The following BLM variants were observed in gnomAD, a reference collection of about 807,000 sequenced individuals.
BLM encodes the protein BLM RecQ like helicase.
In BLM, 95 loss-of-function variants were observed where a neutral mutation model predicts 135.3. The observed-to-expected ratio is 0.70, with a 90% CI of 0.59 to 0.83. The LOEUF (loss-of-function observed/expected upper bound fraction) is 0.83, where lower values mean the gene tolerates loss of function less well. Among genes scored for constraint, BLM ranks in the 40% least tolerant of loss-of-function variants. BLM has a pLI of 0.00. For synonymous variants in BLM, 520 were observed against 589.2 expected (o/e 0.88, Z 1.70); for missense variants, 1,518 against 1,663.9 (o/e 0.91, Z 1.53).
intron 12 of BLM, among the ~76,000 whole-genome samples, chr15:90,781,767 G>C (rs1419947629): frequency 6.6e-6 from 1 of 152,152 alleles, no homozygotes; most frequent in Non-Finnish European, 1.5e-5. Context: ...GTGGCCCGTG[G>C]GCTGCGGGTT....
chr15:90,777,686 A>G (rs1221217278), intron 12 of BLM, among the ~76,000 whole-genome samples: 1 of 152,252 alleles, frequency 6.6e-6, no homozygotes, highest in African/African-American at 2.4e-5. Flanking sequence ...TTAAAATGTA[A>G]TTCACACACT....
intron 14 of BLM, among the ~76,000 whole-genome samples, chr15:90,789,467 G>A (rs1254741718): frequency 2.0e-5 from 3 of 151,984 alleles, no homozygotes; most frequent in East Asian, 1.9e-4. Flanking sequence ...CGGACCTGTC[G>A]GCTGACACAT....
At chr15:90,791,352 G>T (rs956824853) in intron 15 of BLM, among the ~76,000 whole-genome samples, 1 of 151,788 alleles carries the variant, frequency 6.6e-6, no homozygotes, top group Non-Finnish European at 1.5e-5. Flanking sequence ...TATTTGGTAT[G>T]TACCTTTTCC....
intron 17 of BLM, among the ~76,000 whole-genome samples, chr15:90,800,823 T>C (rs1897148323): frequency 6.6e-6 from 1 of 151,908 alleles, no homozygotes; most frequent in Non-Finnish European, 1.5e-5. Context: ...AGGGAAAAGA[T>C]TATACAAGAG....
chr15:90,785,323 A>G (rs1313545065), intron 14 of BLM, among the ~76,000 whole-genome samples: 1 of 152,092 alleles, frequency 6.6e-6, no homozygotes, highest in Admixed American at 6.6e-5. Flanking sequence ...ACAAGTTAGT[A>G]CTTTTTAGTT....
At chr15:90,756,362 C>G (rs903595357) in intron 5 of BLM, among the ~76,000 whole-genome samples, 1 of 151,968 alleles carries the variant, frequency 6.6e-6, no homozygotes, top group African/African-American at 2.4e-5. Context: ...CTCGGCCCCC[C>G]AAAGTGCTGG....
At chr15:90,810,136 T>C (rs1245097324) in intron 20 of BLM, among the ~76,000 whole-genome samples, 1 of 145,602 alleles carries the variant, frequency 6.9e-6, no homozygotes, top group Admixed American at 6.8e-5. Context: ...CTTGGCTCAC[T>C]ATGCCTCCCA....
At chr15:90,782,453 A>G (rs1896639862) in intron 12 of BLM, among the ~76,000 whole-genome samples, 1 of 152,182 alleles carries the variant, frequency 6.6e-6, no homozygotes, top group Admixed American at 6.5e-5. Flanking sequence ...ATGACAGAAT[A>G]CTGTAGACTG....
chr15:90,760,744 C>T lies in BLM; in HGVS notation c.1371C>T (p.His457=). ...GNSMKELNFS[H]LPSNSVSPGD... is the part of the protein sequence containing the mutation. ...CTATGAAGGAGTTAAATTTTTCACA[C>T]CTTCCCTCAAATTCTGTTTCTCCTG... Residue 457 remains histidine (H), a synonymous_variant, in exon 7 of 22, where the codon CAC becomes CAT. Transcript: ENST00000355112. 2.5e-6 allele frequency: 4 copies of T among 1,614,058 alleles called. No homozygotes were observed. The highest frequency in any genetic ancestry group is 3.4e-6 in the Non-Finnish European group (4 of 1,180,010).
In BLM at chr15:90,796,641, A is replaced by C. The variant is rs141848176; in HGVS notation, c.3211-1549A>C. ...GAGGAATGATAGGCTAGGGAAGTATAAAGATAATGATTGCCTACAGCATTA... is the reference window on the plus strand; with the variant it reads ...GAGGAATGATAGGCTAGGGAAGTATCAAGATAATGATTGCCTACAGCATTA... On this transcript the variant is annotated intron_variant, in intron 16 of 21. Transcript: ENST00000355112. 1.2e-4 allele frequency among the ~76,000 whole-genome samples: 18 copies of C among 152,324 alleles called. No individual in the cohort carries two copies. In the East Asian group the frequency reaches 3.3e-3, roughly 28 times the overall value.
At chr15:90,787,806 C>T (rs1031547844) in intron 14 of BLM, among the ~76,000 whole-genome samples, 1 of 151,910 alleles carries the variant, frequency 6.6e-6, no homozygotes, top group Non-Finnish European at 1.5e-5. Context: ...AAAAATTAGC[C>T]GGACGTGGTG....
At chr15:90,766,116 G>A (rs1896119750) in intron 9 of BLM, among the ~76,000 whole-genome samples, 2 of 152,114 alleles carry the variant, frequency 1.3e-5, no homozygotes, top group Non-Finnish European at 2.9e-5. Flanking sequence ...CAATCACATT[G>A]TGATTAAAAA....
At position 90,790,642 on chromosome 15, in the gene BLM, A is replaced by T. The variant is rs374616797; in HGVS notation, c.2824-7A>T. ...ATGAATCTAATAAGCTTTTGCTTTT[A>T]TATCAGGTTATCTGTGCTACAATTG... On this transcript the variant is annotated splice_polypyrimidine_tract_variant and splice_region_variant and intron_variant, in intron 14 of 21. Transcript: ENST00000355112. 2 of 1,613,686 alleles carry T rather than the reference A, an allele frequency of 1.2e-6. No homozygotes were observed. The highest frequency in any genetic ancestry group is 2.2e-5 in the East Asian group (1 of 44,892).
At chr15:90,722,374 G>A (rs1459765677) in intron 1 of BLM, among the ~76,000 whole-genome samples, 1 of 152,116 alleles carries the variant, frequency 6.6e-6, no homozygotes, top group Non-Finnish European at 1.5e-5. Context: ...CTCCCAAAGT[G>A]CTGGGATTAC....
At chr15:90,718,555 T>A (rs1320704065) in intron 1 of BLM, among the ~76,000 whole-genome samples, 1 of 152,208 alleles carries the variant, frequency 6.6e-6, no homozygotes, top group East Asian at 1.9e-4. Flanking sequence ...AAAAGTATTC[T>A]GTTTGGGGAA....
Position 90,732,590 on chromosome 15 carries a change from TAA to T in BLM, c.-4-14786_-4-14785del, listed in dbSNP as rs77350149. Among the ~76,000 whole-genome samples the T allele has an allele frequency of 5.8e-5, 8 of 136,792 alleles. 1 individual carries two copies. In the East Asian group the frequency reaches 8.3e-4, roughly 14 times the overall value. The allele number at this position is 136,792 out of a possible 152,430, so 89.7% of individuals were successfully genotyped here. On this transcript the variant is annotated intron_variant, in intron 1 of 21. Coordinates refer to ENST00000355112, the MANE Select transcript of BLM (RefSeq NM_000057.4). ...ATGAAAACACAGCATATCAGATTCTTAAAAAAAAAAAAAAGGTAAGGCACTAG... is the reference window on the plus strand; with the variant it reads ...ATGAAAACACAGCATATCAGATTCTTAAAAAAAAAAAAGGTAAGGCACTAG...
intron 7 of BLM, chr15:90,762,552 T>C (rs1043436152): frequency 4.4e-5 from 9 of 206,658 alleles, no homozygotes; most frequent in South Asian, 1.5e-4. Flanking sequence ...TTTAAGATCA[T>C]AGGACTAGGA....
intron 1 of BLM, among the ~76,000 whole-genome samples, chr15:90,717,821 CTT>C (rs1596190525): frequency 6.6e-6 from 1 of 152,210 alleles, no homozygotes; most frequent in African/African-American, 2.4e-5. Flanking sequence ...AACGAAAACA[CTT>C]TGTACTTTTT....
intron 1 of BLM, among the ~76,000 whole-genome samples, chr15:90,727,820 T>C (rs1020548528): frequency 2.0e-5 from 3 of 151,878 alleles, no homozygotes; most frequent in Non-Finnish European, 2.9e-5. Flanking sequence ...ATGTTAGCTG[T>C]GAGTACAACT....
Sources: gnomAD v4.1 joint callset for allele counts (sites outside exome capture counted in the v4.1 genomes callset) on GRCh38, gnomAD v4.1.1 for gene constraint, MANE v1.5 for transcripts, NCBI Gene and HGNC (gene_info 2026-07-23, HGNC 2026-07-21) for gene names.